The following AMMECR1 variants were observed in gnomAD, a reference collection of about 807,000 sequenced individuals.
AMMECR1 encodes AMMECR nuclear protein 1.
Under a neutral mutation model 22.5 loss-of-function variants are expected in AMMECR1, and 3 were observed. The ratio of observed to expected loss-of-function variants is 0.13; its 90% CI spans 0.06 to 0.35. AMMECR1 has a LOEUF of 0.35. Ranked by LOEUF, AMMECR1 falls within the 10% of genes least tolerant of loss-of-function variation. The pLI, the probability that AMMECR1 is intolerant of heterozygous loss-of-function variation, is 1.00. For synonymous variants in AMMECR1, 130 were observed against 116.7 expected (o/e 1.11, Z -0.74); for missense variants, 235 against 278.7 (o/e 0.84, Z 1.12).
chrX:110,405,097 C>CA (rs1463304651), intron 2 of AMMECR1, among the ~76,000 whole-genome samples: 1 of 101,211 alleles, frequency 9.9e-6, no homozygotes, highest in African/African-American at 3.6e-5. Flanking sequence ...GTCCCCCCCC[C>CA]CCCCAAGCAT....
chrX:110,219,605 C>T (rs1428881933), intron 2 of AMMECR1: 2 of 747,970 alleles, frequency 2.7e-6, no homozygotes, highest in Non-Finnish European at 3.1e-6. Context: ...TTTGTTCACT[C>T]ATTCTAGGCT....
chrX:110,230,065 C>T (rs2067555926), intron 2 of AMMECR1, among the ~76,000 whole-genome samples: 1 of 113,188 alleles, frequency 8.8e-6, no homozygotes, highest in African/African-American at 3.2e-5. Flanking sequence ...GACTCCACCT[C>T]TGTGGGCAGG....
intron 2 of AMMECR1, among the ~76,000 whole-genome samples, chrX:110,411,872 A>T (rs916597935): frequency 8.9e-6 from 1 of 112,616 alleles, no homozygotes; most frequent in African/African-American, 3.2e-5. Flanking sequence ...CTTACTCACT[A>T]TTATATTTCT....
At chrX:110,258,157 A>AT (rs1025092966) in intron 2 of AMMECR1, among the ~76,000 whole-genome samples, 1 of 112,155 alleles carries the variant, frequency 8.9e-6, no homozygotes, top group Admixed American at 9.5e-5. Context: ...AAATGATGTG[A>AT]TAAGGAATTA....
intron 2 of AMMECR1, among the ~76,000 whole-genome samples, chrX:110,425,537 C>T (rs1226218381): frequency 8.8e-6 from 1 of 113,091 alleles, no homozygotes; most frequent in Non-Finnish European, 1.9e-5. Context: ...AGGTTCTGTG[C>T]TTCTTCTAAT....
chrX:110,195,434 C>T lies in AMMECR1; in HGVS notation c.*3086G>A, dbSNP rs773866904. 8.9e-6 allele frequency: 1 copy of T among 111,822 alleles called. No individual in the cohort carries two copies. Among genetic ancestry groups the T allele is most frequent in the African/African-American group, 3.3e-5 (1 of 30,752 alleles). 9.2% of individuals were successfully genotyped at this position (111,822 alleles called of 1,213,427 possible). A position where few individuals can be genotyped will look rare whatever the true frequency, so the allele number is the denominator to read the frequency against. On this transcript the variant is annotated 3_prime_UTR_variant, in exon 6 of 6. Coordinates refer to ENST00000262844, the MANE Select transcript of AMMECR1 (RefSeq NM_015365.3). ...CTGACCTTGTTTAAGAACAAGAAAA[C>T]CCTTCCAGAAATGGAAGCCTTTTGC... is the stretch of plus-strand genomic sequence containing the variant.
chrX:110,261,175 G>T (rs2067739458), intron 2 of AMMECR1, among the ~76,000 whole-genome samples: 1 of 110,432 alleles, frequency 9.1e-6, no homozygotes. Flanking sequence ...ATTTAAAAAT[G>T]GTTAAAATGG....
At chrX:110,272,640 A>C (rs1278840473) in intron 1 of AMMECR1, among the ~76,000 whole-genome samples, 4 of 111,173 alleles carry the variant, frequency 3.6e-5, no homozygotes, top group Middle Eastern at 4.2e-3. Flanking sequence ...TGGATAGGTA[A>C]TTTTTCAACT....
chrX:110,325,749 TTTCTC>T (rs1488239792), intron 2 of AMMECR1, among the ~76,000 whole-genome samples: 2 of 111,941 alleles, frequency 1.8e-5, no homozygotes, highest in African/African-American at 6.5e-5. Context: ...TTTGGTTACT[TTTCTC>T]TATTGTTTTT....
intron 2 of AMMECR1, among the ~76,000 whole-genome samples, chrX:110,332,922 T>C (rs886331458): frequency 1.8e-5 from 2 of 111,375 alleles, no homozygotes; most frequent in Non-Finnish European, 3.8e-5. Context: ...AGATACAAGA[T>C]CTCAAGAGAG....
At chrX:110,237,371 G>A (rs971195614) in intron 2 of AMMECR1, among the ~76,000 whole-genome samples, 1 of 110,700 alleles carries the variant, frequency 9.0e-6, no homozygotes, top group African/African-American at 3.3e-5. Flanking sequence ...TAGGGGGATG[G>A]AGGACTTGTT....
At chrX:110,243,885 C>G (rs908081171) in intron 2 of AMMECR1, among the ~76,000 whole-genome samples, 1 of 111,737 alleles carries the variant, frequency 8.9e-6, no homozygotes, top group Admixed American at 9.5e-5. Context: ...ATCCTGAAAG[C>G]AAACAATTTT....
At chrX:110,341,874 G>T (rs2068165714) in intron 2 of AMMECR1, among the ~76,000 whole-genome samples, 1 of 111,457 alleles carries the variant, frequency 9.0e-6, no homozygotes, top group Admixed American at 9.5e-5. Context: ...ACCAGCCTAG[G>T]CCACATGGTG....
intron 1 of AMMECR1, among the ~76,000 whole-genome samples, chrX:110,268,587 C>T (rs1435807870): frequency 1.8e-5 from 2 of 111,817 alleles, no homozygotes; most frequent in Non-Finnish European, 3.8e-5. Flanking sequence ...GTGATAACCA[C>T]GTTGTACAGG....
chrX:110,203,504 G>A (rs947953162), intron 3 of AMMECR1, among the ~76,000 whole-genome samples: 3 of 111,472 alleles, frequency 2.7e-5, no homozygotes, highest in South Asian at 3.7e-4. Flanking sequence ...TAATAAAAAC[G>A]AAATTTCAAA....
intron 2 of AMMECR1, among the ~76,000 whole-genome samples, chrX:110,380,187 T>G (rs755942136): frequency 1.8e-5 from 2 of 111,586 alleles, no homozygotes; most frequent in South Asian, 7.6e-4. Context: ...CATAGGACAG[T>G]AGTAGGAATT....
chrX:110,251,898 G>A (rs144853825), intron 2 of AMMECR1, among the ~76,000 whole-genome samples: 123 of 111,695 alleles, frequency 1.1e-3, no homozygotes, highest in African/African-American at 3.8e-3. Context: ...CTACCTACAT[G>A]TGTCCAAGAG....
intron 2 of AMMECR1, among the ~76,000 whole-genome samples, chrX:110,227,892 C>G (rs1410978776): frequency 1.8e-5 from 2 of 111,959 alleles, no homozygotes; most frequent in Non-Finnish European, 3.8e-5. Context: ...GAACATGATC[C>G]ACTGCCTGTT....
upstream of AMMECR1, among the ~76,000 whole-genome samples, chrX:110,320,744 A>G (rs2068075638): frequency 2.7e-5 from 3 of 112,687 alleles, no homozygotes; most frequent in African/African-American, 9.7e-5. Flanking sequence ...GCTTTTCCCT[A>G]GAGGATTTTC....
Sources: gnomAD v4.1 joint callset for allele counts (sites outside exome capture counted in the v4.1 genomes callset) on GRCh38, gnomAD v4.1.1 for gene constraint, MANE v1.5 for transcripts, NCBI Gene and HGNC (gene_info 2026-07-23, HGNC 2026-07-21) for gene names.